CKAP2: variants seen among roughly 807,000 people sequenced by gnomAD.
The protein encoded by CKAP2 is cytoskeleton-associated protein 2.
In CKAP2, 46 loss-of-function variants were observed where a neutral mutation model predicts 58.4. The ratio of observed to expected loss-of-function variants is 0.79; its 90% CI spans 0.62 to 1.01. The LOEUF is 1.01. Ranked by LOEUF, CKAP2 falls within the 50% of genes least tolerant of loss-of-function variation. The pLI is 0.00. For missense variants in CKAP2, 809 were observed against 796.4 expected (o/e 1.02, Z -0.19); for synonymous variants, 293 against 280.9 (o/e 1.04, Z -0.43).
chr13:52,462,659 C>G, intron 5 of CKAP2, 92 bp downstream of exon 5: 3 of 1,023,318 alleles, frequency 2.9e-6, no homozygotes, highest in Non-Finnish European at 4.3e-6. Flanking sequence ...TCTTTTTGAC[C>G]AGGTGATGTT....
chr13:52,473,707 C>T, intron 7 of CKAP2, 122 bp from the exon 8 acceptor site: 1 of 800,668 alleles, frequency 1.2e-6, no homozygotes, highest in Non-Finnish European at 2.0e-6. Context: ...AGGAATGGTT[C>T]AGAGATGGCA....
At chr13:52,464,832 T>G (rs1444584434) in intron 5 of CKAP2, among the ~76,000 whole-genome samples, 1 of 152,194 alleles carries the variant, frequency 6.6e-6, no homozygotes, top group Non-Finnish European at 1.5e-5. Context: ...CTTCTTGTGG[T>G]TCTGAACACC....
rs761470508 is a variant in CKAP2, at chr13:52,475,021, T to C, written c.1929T>C (p.Asp643=). The change falls in exon 9 of 9, where the codon GAT becomes GAC. Residue 643 remains aspartate (D), a synonymous_variant. Coordinates refer to ENST00000258607, the MANE Select transcript of CKAP2 (RefSeq NM_018204.5). ...CTAAATTGCCAGATATGTTAAAAGA[T>C]CATTATCCTTGTGTGTCTTCATTGG... The part of the protein sequence containing the change: ...KTSKLPDMLK[D]HYPCVSSLEQ... The C allele has an allele frequency of 1.2e-6, 2 of 1,614,110 alleles. No individual in the cohort carries two copies. Among genetic ancestry groups the C allele is most frequent in the African/African-American group, 2.7e-5 (2 of 74,936 alleles).
At chr13:52,474,475 C>T (rs9536086) in intron 8 of CKAP2, among the ~76,000 whole-genome samples, 2,970 of 152,126 alleles carry the variant, frequency 0.02, 50 homozygotes, top group Middle Eastern at 0.031. Context: ...GATGACAGAG[C>T]GAGACCCTGT....
At chr13:52,467,403 T>C in intron 6 of CKAP2, among the ~76,000 whole-genome samples, 1 of 151,870 alleles carries the variant, frequency 6.6e-6, no homozygotes, top group Non-Finnish European at 1.5e-5. Context: ...TTAAGTAAAA[T>C]TATGGAGGAA....
intron 7 of CKAP2, among the ~76,000 whole-genome samples, chr13:52,472,127 C>A (rs1244841703): frequency 1.3e-5 from 2 of 152,180 alleles, no homozygotes; most frequent in South Asian, 4.1e-4. Flanking sequence ...CTTGGAGTAG[C>A]CTTCCCTGAT....
At position 52,461,826 on chromosome 13, in the gene CKAP2, A is replaced by T; in HGVS notation, c.1000A>T (p.Met334Leu). ...RPASLSNDKL[M>L]EKSEPVDQRR... ...TGCTTCATTGTCTAATGATAAACTGATGGAAAAGTCAGAGCCCGTTGACCA... is the reference window on the plus strand; with the variant it reads ...TGCTTCATTGTCTAATGATAAACTGTTGGAAAAGTCAGAGCCCGTTGACCA... The change falls in exon 4 of 9, where the codon ATG (methionine) becomes TTG (leucine). Residue 334 changes from methionine (M) to leucine (L), a missense_variant. Transcript: ENST00000258607. 1 of 1,614,144 alleles carries T rather than the reference A, an allele frequency of 6.2e-7. No homozygotes were observed. Among genetic ancestry groups the T allele is most frequent in the Non-Finnish European group, 8.5e-7 (1 of 1,179,988 alleles).
chr13:52,469,963 A>C (rs1021600920), intron 7 of CKAP2, among the ~76,000 whole-genome samples: 1 of 152,202 alleles, frequency 6.6e-6, no homozygotes, highest in Non-Finnish European at 1.5e-5. Context: ...ATATTAATTA[A>C]CTTTAGAAAA....
chr13:52,474,219 C>A, intron 8 of CKAP2, 135 bp downstream of exon 8: 1 of 861,802 alleles, frequency 1.2e-6, no homozygotes, highest in African/African-American at 1.7e-5. Flanking sequence ...GGCATGGTGG[C>A]TCACGCCTGT....
At chr13:52,469,752 G>A (rs1015468307) in intron 7 of CKAP2, among the ~76,000 whole-genome samples, 120 of 149,706 alleles carry the variant, frequency 8.0e-4, no homozygotes, top group Admixed American at 2.0e-3. Flanking sequence ...GCCCGCCACC[G>A]CGCCCGGCTA....
At chr13:52,457,308 T>C (rs797012733) in intron 2 of CKAP2, among the ~76,000 whole-genome samples, 9 of 152,256 alleles carry the variant, frequency 5.9e-5, no homozygotes, top group African/African-American at 2.2e-4. Context: ...CACACAAAGG[T>C]CAGTCTTTCT....
intron 5 of CKAP2, 119 bp from the exon 6 acceptor site, chr13:52,465,176 A>T: frequency 1.3e-6 from 1 of 778,464 alleles, no homozygotes; most frequent in Non-Finnish European, 2.0e-6. Flanking sequence ...CTAATGTTTC[A>T]TTTTTTTGCT....
intron 2 of CKAP2, 73 bp downstream of exon 2, chr13:52,456,680 C>T (rs1958487631): frequency 8.7e-7 from 1 of 1,155,958 alleles, no homozygotes; most frequent in African/African-American, 1.6e-5. Context: ...GTAAAGTAAG[C>T]CATATCTGTA....
chr13:52,473,636 C>T (rs899881144), intron 7 of CKAP2, 193 bp from the exon 8 acceptor site: 124 of 498,706 alleles, frequency 2.5e-4, no homozygotes, highest in Non-Finnish European at 2.8e-5. Context: ...TCATATATAG[C>T]ATTTATTTCA....
chr13:52,468,166 C>G (rs1958708628), intron 6 of CKAP2, 112 bp from the exon 7 acceptor site: 1 of 629,280 alleles, frequency 1.6e-6, no homozygotes, highest in East Asian at 2.8e-5. Context: ...GGTTTAAGAG[C>G]CACTCTTACT....
chr13:52,462,087 T>A (rs1010213140), intron 4 of CKAP2, among the ~76,000 whole-genome samples, 161 bp downstream of exon 4: 1 of 152,192 alleles, frequency 6.6e-6, no homozygotes, highest in African/African-American at 2.4e-5. Context: ...CCTAAAAGTT[T>A]TTGTGTTTGA....
chr13:52,472,316 A>G (rs1474410963), intron 7 of CKAP2, among the ~76,000 whole-genome samples: 1 of 152,192 alleles, frequency 6.6e-6, no homozygotes, highest in South Asian at 2.1e-4. Flanking sequence ...GTTCCTGACC[A>G]TTGAGTCTCC....
At chr13:52,457,951 T>C (rs1310195269) in intron 2 of CKAP2, among the ~76,000 whole-genome samples, 1 of 152,334 alleles carries the variant, frequency 6.6e-6, no homozygotes, top group Non-Finnish European at 1.5e-5. Context: ...GATAAAAATT[T>C]TAACAATAGG....
In CKAP2 at chr13:52,455,699, CG is replaced by C. The variant is rs1274899504; in HGVS notation, c.70+77del. 7 of 1,380,756 alleles carry C rather than the reference CG, an allele frequency of 5.1e-6. No individual in the cohort carries two copies. In the Admixed American group the frequency reaches 2.2e-4, roughly 44 times the overall value. The allele number at this position is 1,380,756 out of a possible 1,614,324, so 85.5% of individuals were successfully genotyped here. ...GGGCGCGGGCCCGGCGGTCGGGGCT[CG>C]GGGCCGCGCTGGCGCGCTTCACCTC... On this transcript the variant is annotated intron_variant, in intron 1 of 8. Coordinates refer to ENST00000258607, the MANE Select transcript of CKAP2 (RefSeq NM_018204.5).
Sources: allele counts gnomAD v4.1 joint callset (sites outside exome capture counted in the v4.1 genomes callset), GRCh38; gene constraint gnomAD v4.1.1; transcripts MANE v1.5; gene names NCBI Gene and HGNC (gene_info 2026-07-23, HGNC 2026-07-21).